CCSER1: variants seen among roughly 807,000 people sequenced by gnomAD.
CCSER1 encodes serine-rich coiled-coil domain-containing protein 1.
Under a neutral mutation model 82.0 loss-of-function variants are expected in CCSER1, and 41 were observed. The ratio of observed to expected loss-of-function variants is 0.50; its 90% CI spans 0.39 to 0.65. The LOEUF is 0.65. Among genes scored for constraint, CCSER1 ranks in the 30% least tolerant of loss-of-function variants. The pLI is 0.00. For missense variants in CCSER1, 1,119 were observed against 1,064.2 expected (o/e 1.05, Z -0.72); for synonymous variants, 414 against 383.9 (o/e 1.08, Z -0.92).
intron 5 of CCSER1, among the ~76,000 whole-genome samples, chr4:90,475,902 C>T (rs1247223223): frequency 2.6e-5 from 4 of 152,100 alleles, no homozygotes; most frequent in Non-Finnish European, 2.9e-5. Flanking sequence ...TACCTTTCAC[C>T]CTGGTAGCAG....
At position 91,496,752 on chromosome 4, in the gene CCSER1, AATAT is replaced by A. The variant is rs374936351; in HGVS notation, c.2218-101811_2218-101808del. On this transcript the variant is annotated intron_variant, in intron 10 of 10. Transcript: ENST00000509176. ...TATATATATATTGAATATATATTTG[AATAT>A]ATATATATTCAATATATATTGAATA... 1.5e-3 allele frequency among the ~76,000 whole-genome samples: 30 copies of A among 20,638 alleles called. 2 individuals carry two copies. The East Asian group carries it at 0.048, about 33-fold the overall frequency. The allele number at this position is 20,638 out of a possible 152,430, so 13.5% of individuals were successfully genotyped here.
chr4:91,164,975 T>C (rs928285272), intron 10 of CCSER1, among the ~76,000 whole-genome samples: 2 of 152,246 alleles, frequency 1.3e-5, no homozygotes, highest in East Asian at 1.9e-4. Flanking sequence ...TTTCCATTGC[T>C]GGCGAGGAGC....
At chr4:90,620,556 GAAAT>G (rs1722116304) in intron 5 of CCSER1, among the ~76,000 whole-genome samples, 2 of 152,058 alleles carry the variant, frequency 1.3e-5, no homozygotes, top group African/African-American at 4.8e-5. Context: ...TTCAAATATA[GAAAT>G]AAATAGTTAC....
intron 9 of CCSER1, among the ~76,000 whole-genome samples, chr4:91,022,371 G>C (rs1002388089): frequency 5.9e-5 from 9 of 151,992 alleles, no homozygotes; most frequent in Non-Finnish European, 1.3e-4. Flanking sequence ...CATGGTGTAT[G>C]GTGTATATGT....
rs1386266960 is a variant in CCSER1, at chr4:91,474,772, T to TAG, written c.2218-123799_2218-123798insGA. ...ACACACACACACATGTGTGTGTATA[T>TAG]ATATATATATTTGTGTATATATATA... On this transcript the variant is annotated intron_variant, in intron 10 of 10. Transcript: ENST00000509176. Among the ~76,000 whole-genome samples, 307 of 140,922 alleles carry TAG rather than the reference T, an allele frequency of 2.2e-3. 1 individual carries two copies. Among genetic ancestry groups the TAG allele is most frequent in the Non-Finnish European group, 4.0e-3 (259 of 65,204 alleles). The allele number at this position is 140,922 out of a possible 152,430, so 92.5% of individuals were successfully genotyped here. A position where few individuals can be genotyped will look rare whatever the true frequency, so the allele number is the denominator to read the frequency against.
chr4:90,297,510 G>T (rs1473191049), intron 1 of CCSER1, among the ~76,000 whole-genome samples: 1 of 150,296 alleles, frequency 6.7e-6, no homozygotes, highest in Admixed American at 6.6e-5. Context: ...GATTGCCCTG[G>T]CCAGAACTTC....
intron 4 of CCSER1, among the ~76,000 whole-genome samples, chr4:90,415,556 A>T (rs1306787990): frequency 6.6e-6 from 1 of 152,246 alleles, no homozygotes; most frequent in Non-Finnish European, 1.5e-5. Context: ...ATCCTCTGAA[A>T]TGAGCTGTTG....
intron 10 of CCSER1, among the ~76,000 whole-genome samples, chr4:91,176,699 T>G (rs1220096297): frequency 1.3e-5 from 2 of 152,224 alleles, no homozygotes; most frequent in Non-Finnish European, 2.9e-5. Flanking sequence ...AAGTTGCTTA[T>G]CAGCTTAAGG....
At chr4:90,932,347 C>T (rs11946120) in intron 9 of CCSER1, among the ~76,000 whole-genome samples, 1,685 of 152,178 alleles carry the variant, frequency 0.011, 41 homozygotes, top group African/African-American at 0.038. Context: ...TAAACTATCA[C>T]ATTAGAGGAC....
chr4:90,867,009 C>T (rs769537634), intron 8 of CCSER1, among the ~76,000 whole-genome samples: 12 of 152,014 alleles, frequency 7.9e-5, no homozygotes, highest in South Asian at 2.1e-4. Context: ...TTATAGGCCA[C>T]GGACTGGTAC....
At chr4:90,692,029 ATG>A (rs1294599439) in intron 6 of CCSER1, among the ~76,000 whole-genome samples, 130 of 133,900 alleles carry the variant, frequency 9.7e-4, no homozygotes, top group East Asian at 7.1e-3. Flanking sequence ...TTACAATTCA[ATG>A]TGTGTATATA....
At chr4:90,542,883 T>A (rs1776279675) in intron 5 of CCSER1, among the ~76,000 whole-genome samples, 2 of 152,104 alleles carry the variant, frequency 1.3e-5, no homozygotes, top group Admixed American at 1.3e-4. Flanking sequence ...CATTTTGAAA[T>A]TGTAGTTGGT....
intron 3 of CCSER1, among the ~76,000 whole-genome samples, chr4:90,371,507 A>T (rs901279908): frequency 6.6e-6 from 1 of 151,854 alleles, no homozygotes; most frequent in Non-Finnish European, 1.5e-5. Context: ...AATGAAAATA[A>T]ATAATAACCA....
chr4:90,484,798 C>T (rs1179730355), intron 5 of CCSER1, among the ~76,000 whole-genome samples: 3 of 152,224 alleles, frequency 2.0e-5, no homozygotes, highest in Admixed American at 2.0e-4. Flanking sequence ...TGGGGGGTTC[C>T]TCCCAGTTAG....
intron 6 of CCSER1, among the ~76,000 whole-genome samples, chr4:90,663,615 G>T (rs1291768024): frequency 6.6e-6 from 1 of 152,152 alleles, no homozygotes; most frequent in African/African-American, 2.4e-5. Flanking sequence ...CTCCCAAAGT[G>T]CTGGGATTAC....
chr4:91,251,107 G>A (rs1418875482), intron 10 of CCSER1, among the ~76,000 whole-genome samples: 1 of 152,042 alleles, frequency 6.6e-6, no homozygotes, highest in Non-Finnish European at 1.5e-5. Context: ...TCTGTCAAAG[G>A]TCACTGTCGT....
intron 7 of CCSER1, among the ~76,000 whole-genome samples, chr4:90,802,922 A>G (rs1007095848): frequency 2.0e-5 from 3 of 151,590 alleles, no homozygotes; most frequent in African/African-American, 7.3e-5. Flanking sequence ...ACTTGTTCAT[A>G]AAATTCTGTC....
chr4:90,354,389 A>G (rs995369735), intron 3 of CCSER1, among the ~76,000 whole-genome samples: 6 of 152,138 alleles, frequency 3.9e-5, no homozygotes, highest in African/African-American at 9.7e-5. Flanking sequence ...TGAGATGAAT[A>G]TGTTCCAGGG....
intron 6 of CCSER1, among the ~76,000 whole-genome samples, chr4:90,645,916 G>A (rs1286695651): frequency 2.6e-5 from 4 of 152,132 alleles, no homozygotes; most frequent in Non-Finnish European, 4.4e-5. Context: ...AATTGAAAAC[G>A]CTAAATAATC....
Sources: gnomAD v4.1 joint callset for allele counts (sites outside exome capture counted in the v4.1 genomes callset) on GRCh38, gnomAD v4.1.1 for gene constraint, MANE v1.5 for transcripts, NCBI Gene and HGNC (gene_info 2026-07-23, HGNC 2026-07-21) for gene names.